ERC2: variants seen among roughly 807,000 people sequenced by gnomAD.
ERC2 encodes the protein ELKS/RAB6-interacting/CAST family member 2, also known as ERC protein 2.
Under a neutral mutation model 114.8 loss-of-function variants are expected in ERC2, and 42 were observed. That is an observed-to-expected ratio of 0.37 (90% CI 0.29 to 0.47). ERC2 has a LOEUF of 0.47. Ranked by LOEUF, ERC2 falls within the 20% of genes least tolerant of loss-of-function variation. The pLI is 0.99. For synonymous variants in ERC2, 454 were observed against 425.5 expected (o/e 1.07, Z -0.82); for missense variants, 939 against 1,150.7 (o/e 0.82, Z 2.66).
chr3:55,767,690 C>T (rs775507111), intron 14 of ERC2, among the ~76,000 whole-genome samples: 6 of 152,130 alleles, frequency 3.9e-5, no homozygotes, highest in Admixed American at 2.6e-4. Flanking sequence ...TGATGTTCTC[C>T]GGGAGTACAC....
chr3:55,735,434 A>T (rs571424767), intron 14 of ERC2, among the ~76,000 whole-genome samples: 1 of 152,178 alleles, frequency 6.6e-6, no homozygotes, highest in South Asian at 2.1e-4. Context: ...CAAGTGAGCA[A>T]GTGTGAAAGA....
chr3:55,992,336 C>A, intron 10 of ERC2, 86 bp from the exon 11 acceptor site: 4 of 1,219,964 alleles, frequency 3.3e-6, no homozygotes, highest in Non-Finnish European at 3.4e-6. Context: ...CAGAAATTAA[C>A]TTTGGAGAGA....
chr3:55,686,434 T>C (rs815399), intron 16 of ERC2, among the ~76,000 whole-genome samples: 48,125 of 152,040 alleles, frequency 0.32, 7,907 homozygotes, highest in Non-Finnish European at 0.36. Flanking sequence ...TTGACCCTCA[T>C]CGCCAAATGA....
At position 56,116,501 on chromosome 3, in the gene ERC2, G is replaced by A. The variant is rs551924886; in HGVS notation, c.1473+23008C>T. Among the ~76,000 whole-genome samples the A allele has an allele frequency of 1.2e-3, 186 of 152,246 alleles. 1 individual carries two copies. The highest frequency in any genetic ancestry group is 4.3e-3 in the African/African-American group (179 of 41,540). On this transcript the variant is annotated intron_variant, in intron 6 of 17. Coordinates refer to ENST00000288221, the MANE Select transcript of ERC2 (RefSeq NM_015576.3). The stretch of plus-strand genomic sequence containing the variant: ...CAGAAGGAACAGGTGTATGTGCATT[G>A]GGACACTACCACATACTTGCAGTCA...
chr3:56,118,636 C>CTTTTTTTTTTTT (rs66888697), intron 6 of ERC2, among the ~76,000 whole-genome samples: 1 of 127,880 alleles, frequency 7.8e-6, no homozygotes, highest in African/African-American at 2.9e-5. Context: ...TATTCCTTTT[C>CTTTTTTTTTTTT]TTTTTTTTTT....
chr3:56,238,502 C>T lies in ERC2; in HGVS notation c.1074+57517G>A, dbSNP rs112607084. ...GTTTGGTGAGCCCAGGAGTCTTGGG[C>T]GTGGTTCCAACTCCCACCTAGCCCT... On this transcript the variant is annotated intron_variant, in intron 3 of 17. Coordinates refer to ENST00000288221, the MANE Select transcript of ERC2 (RefSeq NM_015576.3). Among the ~76,000 whole-genome samples the T allele has an allele frequency of 3.0e-3, 454 of 152,302 alleles. 2 individuals carry two copies. Among genetic ancestry groups the T allele is most frequent in the Non-Finnish European group, 5.3e-3 (358 of 68,024 alleles).
intron 2 of ERC2, among the ~76,000 whole-genome samples, chr3:56,384,488 G>C (rs1383877081): frequency 1.3e-4 from 20 of 152,038 alleles, no homozygotes; most frequent in Admixed American, 1.2e-3. Context: ...TTGGCCATCT[G>C]TATGTCTTCT....
chr3:55,914,588 T>C (rs1225907076), intron 13 of ERC2, among the ~76,000 whole-genome samples: 1 of 152,160 alleles, frequency 6.6e-6, no homozygotes, highest in East Asian at 1.9e-4. Flanking sequence ...GTCCTCTCCT[T>C]AGATGCAAGG....
intron 14 of ERC2, among the ~76,000 whole-genome samples, chr3:55,785,898 C>T (rs946984378): frequency 2.0e-5 from 3 of 152,148 alleles, no homozygotes; most frequent in African/African-American, 7.2e-5. Flanking sequence ...GGTTGTGTTC[C>T]AACTCGGTGG....
chr3:55,582,716 T>G (rs2107567636), intron 17 of ERC2, among the ~76,000 whole-genome samples: 1 of 152,330 alleles, frequency 6.6e-6, no homozygotes, highest in East Asian at 1.9e-4. Context: ...AACTCTGTCT[T>G]TGAAAGGATT....
intron 2 of ERC2, among the ~76,000 whole-genome samples, chr3:56,296,841 T>A (rs1250281846): frequency 1.3e-5 from 2 of 152,202 alleles, no homozygotes; most frequent in Non-Finnish European, 1.5e-5. Context: ...TATTGTACTA[T>A]CCATTATTTC....
intron 4 of ERC2, among the ~76,000 whole-genome samples, chr3:56,173,167 T>A (rs555673138): frequency 1.3e-5 from 2 of 152,284 alleles, no homozygotes; most frequent in East Asian, 3.9e-4. Flanking sequence ...AAAACACACA[T>A]AAAACCTCCC....
intron 3 of ERC2, among the ~76,000 whole-genome samples, chr3:56,252,574 G>C (rs1560464105): frequency 6.6e-6 from 1 of 152,074 alleles, no homozygotes; most frequent in East Asian, 1.9e-4. Flanking sequence ...GGCCAACATG[G>C]AGAAACCCCG....
chr3:56,069,104 TG>T (rs1165440903), intron 7 of ERC2, among the ~76,000 whole-genome samples: 2 of 152,238 alleles, frequency 1.3e-5, no homozygotes, highest in African/African-American at 4.8e-5. Context: ...GTTAATTTTC[TG>T]TCTCAATGAT....
At chr3:56,010,355 A>G in intron 9 of ERC2, 94 bp downstream of exon 9, 2 of 1,410,476 alleles carry the variant, frequency 1.4e-6, no homozygotes, top group Non-Finnish European at 1.9e-6. Context: ...GCCTTCATAC[A>G]GTGCCTCCTA....
intron 15 of ERC2, among the ~76,000 whole-genome samples, chr3:55,703,395 A>G (rs185610082): frequency 5.4e-4 from 82 of 152,278 alleles, no homozygotes; most frequent in Non-Finnish European, 1.1e-3. Flanking sequence ...AGTTATATCC[A>G]TTAGTTCTCT....
chr3:55,697,242 C>T (rs1192034746), intron 16 of ERC2, among the ~76,000 whole-genome samples: 2 of 152,196 alleles, frequency 1.3e-5, no homozygotes, highest in African/African-American at 2.4e-5. Context: ...TCACCCACTT[C>T]CCGGGCTCCA....
intron 17 of ERC2, among the ~76,000 whole-genome samples, chr3:55,546,567 A>G (rs532699224): frequency 6.6e-6 from 1 of 152,340 alleles, no homozygotes; most frequent in African/African-American, 2.4e-5. Context: ...CTCCAAGGCC[A>G]AGCACAGTGC....
At chr3:55,755,118 A>T (rs1027916032) in intron 14 of ERC2, among the ~76,000 whole-genome samples, 2 of 151,670 alleles carry the variant, frequency 1.3e-5, no homozygotes, top group Non-Finnish European at 2.9e-5. Flanking sequence ...TTCCTCAAAG[A>T]TCCATCTGCA....
Sources: allele counts gnomAD v4.1 joint callset (sites outside exome capture counted in the v4.1 genomes callset), GRCh38; gene constraint gnomAD v4.1.1; transcripts MANE v1.5; gene names NCBI Gene and HGNC (gene_info 2026-07-23, HGNC 2026-07-21).